The following FTO variants were observed in gnomAD, a reference collection of about 807,000 sequenced individuals.
The protein encoded by FTO is FTO alpha-ketoglutarate dependent dioxygenase, also known as alpha-ketoglutarate-dependent dioxygenase FTO.
FTO carries 47 observed loss-of-function variants against 63.9 expected under a neutral mutation model. That is an observed-to-expected ratio of 0.74 (90% confidence interval 0.58 to 0.94). The LOEUF (loss-of-function observed/expected upper bound fraction) is 0.94, where lower values mean the gene tolerates loss of function less well. Ranked by LOEUF, FTO falls within the 40% of genes least tolerant of loss-of-function variation. The pLI, the probability that FTO is intolerant of heterozygous loss-of-function variation, is 0.00. For missense variants in FTO, 562 were observed against 618.1 expected, an observed-to-expected ratio of 0.91 and a Z score of 0.96; for synonymous variants, 207 against 224.4, an observed-to-expected ratio of 0.92 and a Z score of 0.69.
At chr16:53,708,518 A>G (rs1219265296) in intron 1 of FTO, among the ~76,000 whole-genome samples, 1 of 152,240 alleles carries the variant, frequency 6.6e-6, no homozygotes, top group African/African-American at 2.4e-5. Context: ...ACGTGTTTTC[A>G]TTCCTCTTTG....
intron 1 of FTO, among the ~76,000 whole-genome samples, chr16:53,708,618 C>T (rs558980813): frequency 2.0e-5 from 3 of 152,214 alleles, no homozygotes; most frequent in Non-Finnish European, 4.4e-5. Flanking sequence ...TGTGTGGCTA[C>T]ACCATTTTAC....
intron 8 of FTO, among the ~76,000 whole-genome samples, chr16:54,077,125 G>A (rs1218183508): frequency 6.6e-6 from 1 of 152,176 alleles, no homozygotes; most frequent in Non-Finnish European, 1.5e-5. Context: ...ATCATGGATT[G>A]ATTTGCAGAT....
At chr16:53,974,543 C>T (rs7192835) in intron 8 of FTO, among the ~76,000 whole-genome samples, 20,462 of 152,138 alleles carry the variant, frequency 0.13, 1,489 homozygotes, top group Admixed American at 0.17. Flanking sequence ...AAAGGCATTT[C>T]ATTTGTACAG....
At chr16:53,999,749 G>A (rs1454877536) in intron 8 of FTO, 2 of 152,184 alleles carry the variant, frequency 1.3e-5, no homozygotes, top group African/African-American at 4.8e-5. Flanking sequence ...AAGCTCTGTG[G>A]CAAGTAAGAA....
intron 8 of FTO, among the ~76,000 whole-genome samples, chr16:54,000,562 C>G (rs1338761507): frequency 1.1e-4 from 16 of 152,170 alleles, no homozygotes; most frequent in African/African-American, 2.7e-4. Flanking sequence ...AAGAGAGTAA[C>G]TCTGTTGTAA....
At chr16:53,877,464 T>C (rs2080689998) in intron 5 of FTO, among the ~76,000 whole-genome samples, 1 of 152,182 alleles carries the variant, frequency 6.6e-6, no homozygotes, top group Non-Finnish European at 1.5e-5. Flanking sequence ...ATATAATTCA[T>C]TTATATGAAG....
Position 53,868,988 on chromosome 16 carries a change from C to T in FTO, c.896-4798C>T, listed in dbSNP as rs369840382. Among the ~76,000 whole-genome samples the T allele has an allele frequency of 8.3e-4, 126 of 152,094 alleles. 1 individual carries two copies. The highest frequency in any genetic ancestry group is 2.5e-3 in the African/African-American group (105 of 41,492). ...CTGGGATTACAGGTGTGTGCCACTG[C>T]GCCCACCTGATTTTTGTATTTTTAG... is the stretch of plus-strand genomic sequence containing the variant. On this transcript the variant is annotated intron_variant, in intron 4 of 8. Transcript: ENST00000471389.
chr16:53,879,875 A>C lies in FTO; in HGVS notation c.1007A>C (p.Gln336Pro), dbSNP rs760025896. Reference protein sequence around the residue: ...CSTGTLDYILQRCQLALQNVC... With the variant: ...CSTGTLDYILPRCQLALQNVC... ...ACAGGAACCTTGGATTATATTTTAC[A>C]ACGCTGTCAGTTGGCTCTGCAGAAT... Residue 336 changes from glutamine (Q) to proline (P), a missense_variant, in exon 6 of 9, where the codon CAA becomes CCA. Gln to Pro is a moderately conservative substitution (Grantham distance 76). Transcript: ENST00000471389. The C allele has an allele frequency of 1.9e-6, 3 of 1,613,990 alleles. No homozygotes were observed. The highest frequency in any genetic ancestry group is 2.5e-6 in the Non-Finnish European group (3 of 1,179,918).
At chr16:54,020,464 A>AT (rs1567521542) in intron 8 of FTO, among the ~76,000 whole-genome samples, 1 of 152,176 alleles carries the variant, frequency 6.6e-6, no homozygotes, top group East Asian at 1.9e-4. Flanking sequence ...TTTCATAAGG[A>AT]TTTTTACAAC....
intron 7 of FTO, among the ~76,000 whole-genome samples, chr16:53,912,394 A>T (rs1465821274): frequency 6.6e-6 from 1 of 152,162 alleles, no homozygotes; most frequent in African/African-American, 2.4e-5. Context: ...ATGCACTGAC[A>T]TGCGTCAGTG....
At chr16:53,832,100 GTCCTGTAACTT>G (rs2079160227) in intron 3 of FTO, among the ~76,000 whole-genome samples, 2 of 152,142 alleles carry the variant, frequency 1.3e-5, no homozygotes. Flanking sequence ...TGTAAATACA[GTCCTGTAACTT>G]TTTACCAACA....
chr16:54,025,647 G>GGGA (rs2084696257), intron 8 of FTO, among the ~76,000 whole-genome samples: 1 of 152,052 alleles, frequency 6.6e-6, no homozygotes, highest in Non-Finnish European at 1.5e-5. Context: ...TACTTCAACT[G>GGGA]GGAGGCAGGG....
Position 53,706,412 on chromosome 16 carries a change from C to T in FTO, c.45+2183C>T, listed in dbSNP as rs181768500. Among the ~76,000 whole-genome samples the T allele has an allele frequency of 2.7e-4, 41 of 152,258 alleles. 1 individual carries two copies. The highest frequency in any genetic ancestry group is 5.8e-4 in the African/African-American group (24 of 41,548). On this transcript the variant is annotated intron_variant, in intron 1 of 8. Coordinates refer to ENST00000471389, the MANE Select transcript of FTO (RefSeq NM_001080432.3). ...AACATTTCTCTCCTAAGTTCCCTCT[C>T]GTTAATTTGTGGTTAGTCTGTCCCT...
At chr16:53,934,132 A>T in intron 8 of FTO, 23 bp downstream of exon 8, 1 of 1,613,718 alleles carries the variant, frequency 6.2e-7, no homozygotes, top group African/African-American at 1.3e-5. Context: ...GTGAAATGGG[A>T]TTTGTTGTTC....
chr16:54,067,392 C>T (rs948776431), intron 8 of FTO, among the ~76,000 whole-genome samples: 10 of 152,250 alleles, frequency 6.6e-5, no homozygotes, highest in Admixed American at 2.0e-4. Flanking sequence ...AGTGGATAAG[C>T]GGCCATTATG....
chr16:54,018,405 G>GATACATAC (rs1304411929), intron 8 of FTO, among the ~76,000 whole-genome samples: 1 of 137,118 alleles, frequency 7.3e-6, no homozygotes, highest in Admixed American at 7.7e-5. Context: ...TAGATAGATA[G>GATACATAC]ATAGATACAT....
At position 54,080,628 on chromosome 16, in the gene FTO, C is replaced by G. The variant is rs1442598873; in HGVS notation, c.1365-31134C>G. On this transcript the variant is annotated intron_variant, in intron 8 of 8. Transcript: ENST00000471389. ...GCCTTGAATTTCAGGCTGAAGGACC[C>G]ATCACCCAAGAGTCTTGGCAGCTTC... 2.6e-5 allele frequency among the ~76,000 whole-genome samples: 4 copies of G among 152,268 alleles called. No homozygotes were observed. The South Asian group carries it at 8.3e-4, about 32-fold the overall frequency.
chr16:53,815,395 T>G (rs1187979435), intron 2 of FTO, among the ~76,000 whole-genome samples: 1 of 152,066 alleles, frequency 6.6e-6, no homozygotes, highest in Non-Finnish European at 1.5e-5. Flanking sequence ...CTTTAGAATC[T>G]CTCAAATTGT....
At chr16:53,727,695 G>A (rs1482030188) in intron 1 of FTO, among the ~76,000 whole-genome samples, 1 of 152,204 alleles carries the variant, frequency 6.6e-6, no homozygotes, top group Non-Finnish European at 1.5e-5. Context: ...AGTGGATGGT[G>A]TGGGAGTCAC....
Sources: gnomAD v4.1 joint callset for allele counts (sites outside exome capture counted in the v4.1 genomes callset) on GRCh38, gnomAD v4.1.1 for gene constraint, MANE v1.5 for transcripts, NCBI Gene and HGNC (gene_info 2026-07-23, HGNC 2026-07-21) for gene names.